ITGA9: variants seen among roughly 807,000 people sequenced by gnomAD.
ITGA9 encodes the protein integrin subunit alpha 9, also known as integrin alpha-9.
ITGA9 carries 56 observed loss-of-function variants against 127.8 expected under a neutral mutation model. The observed-to-expected ratio is 0.44, with a 90% CI of 0.35 to 0.55. ITGA9 has a LOEUF of 0.55. ITGA9 is among the 20% of genes least tolerant of loss of function. ITGA9 has a pLI of 0.00. For synonymous variants in ITGA9, 508 were observed against 514.5 expected, an observed-to-expected ratio of 0.99 and a Z score of 0.17; for missense variants, 1,196 against 1,347.1, an observed-to-expected ratio of 0.89 and a Z score of 1.76.
chr3:37,569,656 CAA>C (rs1340498431), intron 15 of ITGA9, among the ~76,000 whole-genome samples: 1 of 152,174 alleles, frequency 6.6e-6, no homozygotes, highest in South Asian at 2.1e-4. Context: ...TGAAATGTCC[CAA>C]AATCTGAAAC....
intron 19 of ITGA9, among the ~76,000 whole-genome samples, chr3:37,734,849 C>T (rs964301118): frequency 2.0e-5 from 3 of 152,192 alleles, no homozygotes; most frequent in African/African-American, 7.2e-5. Flanking sequence ...GTTGTTTTCC[C>T]AGCTGGTAAT....
At chr3:37,456,035 T>C (rs1001717962) in intron 1 of ITGA9, among the ~76,000 whole-genome samples, 19 of 152,140 alleles carry the variant, frequency 1.2e-4, no homozygotes, top group Admixed American at 3.9e-4. Flanking sequence ...GTGGGGGTGA[T>C]CTTGCTTTTC....
chr3:37,631,760 G>A (rs1372271320), intron 16 of ITGA9, among the ~76,000 whole-genome samples: 4 of 152,180 alleles, frequency 2.6e-5, no homozygotes, highest in Admixed American at 2.6e-4. Flanking sequence ...AGTGGTGGTG[G>A]TATTGAGGGA....
intron 26 of ITGA9, among the ~76,000 whole-genome samples, chr3:37,797,925 T>G (rs1697193314): frequency 6.6e-6 from 1 of 152,108 alleles, no homozygotes; most frequent in Admixed American, 6.5e-5. Context: ...CTCAAGTTGA[T>G]CCACCCGCCT....
At chr3:37,578,642 C>T (rs1171577833) in intron 15 of ITGA9, among the ~76,000 whole-genome samples, 4 of 152,276 alleles carry the variant, frequency 2.6e-5, no homozygotes, top group Non-Finnish European at 4.4e-5. Context: ...TGGACCACCA[C>T]TCTGATTTGG....
intron 17 of ITGA9, among the ~76,000 whole-genome samples, chr3:37,672,390 C>T (rs1322032129): frequency 1.5e-4 from 23 of 152,200 alleles, no homozygotes; most frequent in Non-Finnish European, 1.0e-4. Flanking sequence ...CCTGCACACA[C>T]TCTCTTGCCT....
intron 5 of ITGA9, among the ~76,000 whole-genome samples, chr3:37,499,656 G>A (rs2125568233): frequency 6.6e-6 from 1 of 152,270 alleles, no homozygotes; most frequent in South Asian, 2.1e-4. Context: ...GGGATTTCCA[G>A]GAAGGCACTG....
chr3:37,563,381 G>T (rs1559537517), intron 15 of ITGA9, among the ~76,000 whole-genome samples: 1 of 152,178 alleles, frequency 6.6e-6, no homozygotes, highest in Non-Finnish European at 1.5e-5. Flanking sequence ...CTAAATTTTG[G>T]ATTGTCCTAA....
At chr3:37,571,698 A>G (rs1002786035) in intron 15 of ITGA9, among the ~76,000 whole-genome samples, 24 of 152,108 alleles carry the variant, frequency 1.6e-4, no homozygotes, top group African/African-American at 4.8e-4. Flanking sequence ...ACTCTGAGAT[A>G]CAGTAATCTA....
intron 8 of ITGA9, among the ~76,000 whole-genome samples, chr3:37,512,819 C>T (rs952843071): frequency 1.3e-5 from 2 of 152,108 alleles, no homozygotes; most frequent in Admixed American, 6.5e-5. Flanking sequence ...CCACCACTCC[C>T]TATTGTTATG....
At chr3:37,510,346 A>T (rs1445050533) in intron 8 of ITGA9, among the ~76,000 whole-genome samples, 1 of 151,726 alleles carries the variant, frequency 6.6e-6, no homozygotes, top group Non-Finnish European at 1.5e-5. Flanking sequence ...GAGTATCTTT[A>T]TGTTCAGTTG....
intron 15 of ITGA9, among the ~76,000 whole-genome samples, chr3:37,570,290 T>C (rs756802605): frequency 2.6e-5 from 4 of 152,242 alleles, no homozygotes; most frequent in Non-Finnish European, 5.9e-5. Context: ...AAATATTGAG[T>C]GTCCAAAAGA....
At chr3:37,770,208 G>A (rs1036167527) in intron 23 of ITGA9, among the ~76,000 whole-genome samples, 6 of 152,136 alleles carry the variant, frequency 3.9e-5, no homozygotes, top group African/African-American at 1.4e-4. Context: ...TCCACACATG[G>A]GTGCCGTAAG....
In ITGA9 at chr3:37,542,793, G is replaced by T. The variant is rs556255855; in HGVS notation, c.1689+208G>T. Among the ~76,000 whole-genome samples, 41 of 152,234 alleles carry T rather than the reference G, an allele frequency of 2.7e-4. No individual in the cohort carries two copies. The East Asian group carries it at 7.0e-3, about 26-fold the overall frequency. ...TACTGTGTTGATTTCAGCCTTTAAGGGGGGTCGTGGTGGTCTAGGAGACCA... is the reference window on the plus strand; with the variant it reads ...TACTGTGTTGATTTCAGCCTTTAAGTGGGGTCGTGGTGGTCTAGGAGACCA... On this transcript the variant is annotated intron_variant, in intron 15 of 27. Coordinates refer to ENST00000264741, the MANE Select transcript of ITGA9 (RefSeq NM_002207.3).
chr3:37,511,770 C>T (rs548197735), intron 8 of ITGA9, among the ~76,000 whole-genome samples: 5 of 152,176 alleles, frequency 3.3e-5, no homozygotes, highest in South Asian at 2.1e-4. Flanking sequence ...GATTTCTGAG[C>T]GGCCACTACA....
chr3:37,531,180 C>G (rs1005861551), intron 13 of ITGA9, among the ~76,000 whole-genome samples: 20 of 152,254 alleles, frequency 1.3e-4, no homozygotes, highest in African/African-American at 4.6e-4. Flanking sequence ...TCCCCTGCCC[C>G]CAGGAGTGTG....
intron 15 of ITGA9, among the ~76,000 whole-genome samples, chr3:37,591,174 G>A (rs1699814119): frequency 6.6e-6 from 1 of 152,182 alleles, no homozygotes; most frequent in Admixed American, 6.5e-5. Flanking sequence ...TTTGTGATCT[G>A]GGAAGGATCC....
chr3:37,719,615 G>A (rs1422688442), intron 18 of ITGA9, among the ~76,000 whole-genome samples: 2 of 152,134 alleles, frequency 1.3e-5, no homozygotes, highest in Non-Finnish European at 2.9e-5. Flanking sequence ...TCTCTGGTTA[G>A]GAACTTTCTC....
At chr3:37,554,022 A>G (rs983007141) in intron 15 of ITGA9, among the ~76,000 whole-genome samples, 34 of 152,076 alleles carry the variant, frequency 2.2e-4, no homozygotes, top group African/African-American at 7.5e-4. Flanking sequence ...TTGCATACCT[A>G]TTATGCCGTA....
Sources: gnomAD v4.1 joint callset for allele counts (sites outside exome capture counted in the v4.1 genomes callset) on GRCh38, gnomAD v4.1.1 for gene constraint, MANE v1.5 for transcripts, NCBI Gene and HGNC (gene_info 2026-07-23, HGNC 2026-07-21) for gene names.